The following FSTL4 variants were observed in gnomAD, a reference collection of about 807,000 sequenced individuals.
The protein encoded by FSTL4 is follistatin-related protein 4.
In FSTL4, 28 loss-of-function variants were observed where a neutral mutation model predicts 78.2. The observed-to-expected ratio is 0.36, with a 90% CI of 0.27 to 0.49. The LOEUF is 0.49. Among genes scored for constraint, FSTL4 ranks in the 20% least tolerant of loss-of-function variants. FSTL4 has a pLI of 0.98. For synonymous variants in FSTL4, 422 were observed against 440.5 expected, an observed-to-expected ratio of 0.96 and a Z score of 0.53; for missense variants, 922 against 1,084.9, an observed-to-expected ratio of 0.85 and a Z score of 2.11.
chr5:133,544,901 C>T (rs887149309), intron 3 of FSTL4, among the ~76,000 whole-genome samples: 2 of 152,102 alleles, frequency 1.3e-5, no homozygotes, highest in African/African-American at 4.8e-5. Flanking sequence ...AATTCTGGCC[C>T]AGTCAAAGTA....
intron 6 of FSTL4, chr5:133,312,390 T>C (rs1398629058): frequency 2.1e-6 from 1 of 468,178 alleles, no homozygotes; most frequent in Non-Finnish European, 3.8e-6. Flanking sequence ...CTCACAGCTA[T>C]GCTTCAATTA....
At chr5:133,340,014 T>C (rs1754548410) in intron 4 of FSTL4, among the ~76,000 whole-genome samples, 1 of 152,212 alleles carries the variant, frequency 6.6e-6, no homozygotes, top group Non-Finnish European at 1.5e-5. Flanking sequence ...TTTCCCTGCA[T>C]GAGTGCTCAC....
chr5:133,766,173 T>C, the FSTL4 span, among the ~76,000 whole-genome samples: 1 of 152,176 alleles, frequency 6.6e-6, no homozygotes, highest in Non-Finnish European at 1.5e-5. Context: ...GGGGCCAAGT[T>C]CAACCCATGG....
At chr5:133,684,005 G>A in the FSTL4 span, among the ~76,000 whole-genome samples, 12 of 152,188 alleles carry the variant, frequency 7.9e-5, no homozygotes, top group South Asian at 2.1e-4. Context: ...ATGCTAGATG[G>A]CTATACTGCT....
chr5:133,392,374 A>G (rs1401072004), intron 4 of FSTL4, among the ~76,000 whole-genome samples: 2 of 152,138 alleles, frequency 1.3e-5, no homozygotes, highest in African/African-American at 2.4e-5. Context: ...ATCTACGGAG[A>G]GTCAGAGGGA....
intron 3 of FSTL4, among the ~76,000 whole-genome samples, chr5:133,425,583 G>A (rs895836170): frequency 6.6e-6 from 1 of 152,238 alleles, no homozygotes; most frequent in Admixed American, 6.5e-5. Flanking sequence ...GACCTCCCAA[G>A]ACTCTGTAAT....
At chr5:133,766,111 C>T in the FSTL4 span, among the ~76,000 whole-genome samples, 6 of 152,166 alleles carry the variant, frequency 3.9e-5, no homozygotes, top group Non-Finnish European at 8.8e-5. Context: ...TCAATAAATG[C>T]TGGAGGGGTG....
At chr5:133,740,245 C>T in the FSTL4 span, among the ~76,000 whole-genome samples, 1 of 152,130 alleles carries the variant, frequency 6.6e-6, no homozygotes, top group South Asian at 2.1e-4. Context: ...ACAGTTGTTT[C>T]AAGTTCCTTA....
chr5:133,661,735 GA>G, the FSTL4 span, among the ~76,000 whole-genome samples: 1 of 152,162 alleles, frequency 6.6e-6, no homozygotes, highest in East Asian at 1.9e-4. Context: ...TCATTTCTTA[GA>G]ATTGGTTTAA....
intron 6 of FSTL4, among the ~76,000 whole-genome samples, chr5:133,263,427 G>C (rs1752575867): frequency 6.6e-6 from 1 of 152,166 alleles, no homozygotes; most frequent in African/African-American, 2.4e-5. Context: ...GAGAGGATGG[G>C]CAGGGGCCAG....
intron 4 of FSTL4, among the ~76,000 whole-genome samples, chr5:133,318,137 T>G (rs866224607): frequency 7.9e-5 from 12 of 152,326 alleles, no homozygotes; most frequent in African/African-American, 2.2e-4. Flanking sequence ...AAAAAATCAA[T>G]TGTTGTGTTC....
intron 14 of FSTL4, among the ~76,000 whole-genome samples, chr5:133,206,268 A>G (rs1010218454): frequency 3.3e-5 from 5 of 152,150 alleles, no homozygotes; most frequent in African/African-American, 1.2e-4. Flanking sequence ...TCTTTTCATA[A>G]GTCAGTCAGT....
At position 133,338,474 on chromosome 5, in the gene FSTL4, T is replaced by C. The variant is rs1178900804; in HGVS notation, c.410-21822A>G. Reference sequence around the variant, plus strand: ...CTAGGTTCCCAGAAGCTGTGGTTCTTTGGGACGTGGAGTGGCATAAGCTAT... The same window carrying C: ...CTAGGTTCCCAGAAGCTGTGGTTCTCTGGGACGTGGAGTGGCATAAGCTAT... On this transcript the variant is annotated intron_variant, in intron 4 of 15. Transcript: ENST00000265342. The surrounding 1 kb of genome is among the most constrained non-coding windows in gnomAD (Gnocchi z 4.0). 1.3e-5 allele frequency among the ~76,000 whole-genome samples: 2 copies of C among 152,118 alleles called. No homozygotes were observed. The highest frequency in any genetic ancestry group is 4.1e-4 in the South Asian group (2 of 4,830).
At chr5:133,798,772 C>T in the FSTL4 span, among the ~76,000 whole-genome samples, 1 of 152,074 alleles carries the variant, frequency 6.6e-6, no homozygotes, top group East Asian at 1.9e-4. Context: ...CCCTGTACTC[C>T]CCAAACCCAT....
chr5:133,489,852 C>T (rs1223960920), intron 3 of FSTL4, among the ~76,000 whole-genome samples: 1 of 152,186 alleles, frequency 6.6e-6, no homozygotes. Flanking sequence ...TTAGTGAGAT[C>T]AAAGGCTTAC....
At chr5:133,433,240 C>G (rs1382482598) in intron 3 of FSTL4, among the ~76,000 whole-genome samples, 1 of 152,194 alleles carries the variant, frequency 6.6e-6, no homozygotes, top group East Asian at 1.9e-4. Context: ...GCTTAATAGT[C>G]CTATTTGTTT....
At chr5:133,202,072 G>A (rs747965898) in intron 14 of FSTL4, 30 bp from the exon 15 acceptor site, 1 of 1,450,670 alleles carries the variant, frequency 6.9e-7, no homozygotes, top group Non-Finnish European at 9.5e-7. Flanking sequence ...TCCTAGTGAG[G>A]GCCCATGCAG....
rs759836472 is a variant in FSTL4 at position 133,338,443 on chromosome 5, GC to G, written c.410-21792del. ...TATTTGGCTGCTTCTCCTGCCCCAT[GC>G]TTTTCTAGGTTCCCAGAAGCTGTGG... On this transcript the variant is annotated intron_variant, in intron 4 of 15. Transcript: ENST00000265342. This position sits in a 1 kb window ranked among gnomAD's most constrained non-coding sequence, Gnocchi z 4.0. Among the ~76,000 whole-genome samples the G allele has an allele frequency of 6.6e-6, 1 of 152,154 alleles. No individual in the cohort carries two copies. Among genetic ancestry groups the G allele is most frequent in the Non-Finnish European group, 1.5e-5 (1 of 68,026 alleles).
chr5:133,590,368 T>C (rs1760598257), intron 2 of FSTL4, among the ~76,000 whole-genome samples: 1 of 152,160 alleles, frequency 6.6e-6, no homozygotes, highest in South Asian at 2.1e-4. Flanking sequence ...AATAAGACTT[T>C]GTATCTAGCT....
Sources: allele counts gnomAD v4.1 joint callset (sites outside exome capture counted in the v4.1 genomes callset), GRCh38; gene constraint gnomAD v4.1.1; non-coding constraint Gnocchi (gnomAD v3.1); transcripts MANE v1.5; gene names NCBI Gene and HGNC (gene_info 2026-07-23, HGNC 2026-07-21).